The following MED16 variants were observed in gnomAD, a reference collection of about 807,000 sequenced individuals.
MED16 encodes the protein mediator complex subunit 16, also known as mediator of RNA polymerase II transcription subunit 16.
A neutral mutation model predicts 84.4 loss-of-function variants in MED16; 81 were observed. The observed-to-expected ratio is 0.96, with a 90% CI of 0.80 to 1.15. MED16 has a LOEUF of 1.15. MED16 is among the 50% of genes most tolerant of loss of function. The probability of loss-of-function intolerance (pLI) is 0.00; values close to 1 mark genes in which losing one functional copy is unlikely to be tolerated. For synonymous variants in MED16, 897 were observed against 552.2 expected, an observed-to-expected ratio of 1.62 and a Z score of -8.76; for missense variants, 1,585 against 1,245.9, an observed-to-expected ratio of 1.27 and a Z score of -4.10.
Position 871,028 on chromosome 19 carries a change from C to T in MED16, c.2315+9G>A, listed in dbSNP as rs1399760092. 6.5e-7 allele frequency: 1 copy of T among 1,537,568 alleles called. No homozygotes were observed. Among genetic ancestry groups the T allele is most frequent in the Non-Finnish European group, 8.8e-7 (1 of 1,138,570 alleles). ...CTGTGTTTGGGGACCAATGCAGGGA[C>T]ACACGCACCTGGCGAGGCCGTCGAG... is the stretch of plus-strand genomic sequence containing the variant. On this transcript the variant is annotated intron_variant, in intron 13 of 15. Coordinates refer to ENST00000325464, the MANE Select transcript of MED16 (RefSeq NM_005481.3).
At position 874,991 on chromosome 19, in the gene MED16, C is replaced by T. The variant is rs1006431092; in HGVS notation, c.1771+253G>A. On this transcript the variant is annotated intron_variant, in intron 10 of 15. Transcript: ENST00000325464. ...CAGCCTGGCCAACATGGTGAAACCCCGTCTCTACTAAAAATACAAAAAATC... is the reference window on the plus strand; with the variant it reads ...CAGCCTGGCCAACATGGTGAAACCCTGTCTCTACTAAAAATACAAAAAATC... Among the ~76,000 whole-genome samples the T allele has an allele frequency of 9.4e-5, 14 of 149,178 alleles. No individual in the cohort carries two copies. The South Asian group carries it at 1.5e-3, about 16-fold the overall frequency.
chr19:880,175 A>G (rs1599333477), intron 7 of MED16, 27 bp from the exon 8 acceptor site: 2 of 1,593,092 alleles, frequency 1.3e-6, no homozygotes, highest in South Asian at 2.2e-5. Flanking sequence ...CTGCTTAGAC[A>G]TGGGCAGGGC....
At chr19:877,293 C>T in intron 8 of MED16, 113 bp from the exon 9 acceptor site, 1 of 983,502 alleles carries the variant, frequency 1.0e-6, no homozygotes, top group South Asian at 1.5e-5. Flanking sequence ...TGCGCGCACG[C>T]CCGTGTGTGG....
chr19:890,816 G>T (rs1391552476), intron 2 of MED16, 147 bp downstream of exon 2: 1 of 847,280 alleles, frequency 1.2e-6, no homozygotes, highest in Non-Finnish European at 1.7e-6. Context: ...GGAGGCTGAG[G>T]CTCTCACACA....
At position 873,596 on chromosome 19, in the gene MED16, T is replaced by G. The variant is rs558267730; in HGVS notation, c.1772-14A>C. On this transcript the variant is annotated splice_polypyrimidine_tract_variant and intron_variant, in intron 10 of 15. Transcript: ENST00000325464. The stretch of plus-strand genomic sequence containing the variant: ...CCTTGTCAATGTCTACAAGGAGACG[T>G]GGGTCGGGTCAGCTCGGGCCTCTTG... 149 of 1,611,844 alleles carry G rather than the reference T, an allele frequency of 9.2e-5. 2 individuals carry two copies. In the South Asian group the frequency reaches 1.1e-3, roughly 12 times the overall value.
Position 868,617 on chromosome 19 carries a change from C to A in MED16, c.2400-118G>T, listed in dbSNP as rs963154378. On this transcript the variant is annotated intron_variant, in intron 14 of 15. Coordinates refer to ENST00000325464, the MANE Select transcript of MED16 (RefSeq NM_005481.3). ...CTCGCCGTCCCTCACGCCTGCTCCC[C>A]ACGTCCCCACCTGCCACAGGGCCTC... 5.1e-6 allele frequency: 7 copies of A among 1,366,416 alleles called. No homozygotes were observed. The African/African-American group carries it at 7.3e-5, about 14-fold the overall frequency. The allele number at this position is 1,366,416 out of a possible 1,614,324, so 84.6% of individuals were successfully genotyped here.
intron 13 of MED16, among the ~76,000 whole-genome samples, chr19:870,646 A>G (rs1433832846): frequency 6.6e-6 from 1 of 151,226 alleles, no homozygotes; most frequent in African/African-American, 2.4e-5. Flanking sequence ...ACAGCAGAAG[A>G]CACCACTAGG....
rs140413604 is a variant in MED16, at chr19:872,075, G to A, written c.1949C>T (p.Thr650Ile). ...RPGHSFLRDG[T>I]SLGMLRELMV... ...CAATTCCCGAAGCATGCCCAGCGAG[G>A]TGCCGTCCCGCAGAAAGCTGTGGCC... The change falls in exon 12 of 16, where the codon ACC (threonine) becomes ATC (isoleucine). Residue 650 changes from threonine (T) to isoleucine (I), a missense_variant. Coordinates refer to ENST00000325464, the MANE Select transcript of MED16 (RefSeq NM_005481.3). 5 of 1,609,474 alleles carry A rather than the reference G, an allele frequency of 3.1e-6. No individual in the cohort carries two copies. Among genetic ancestry groups the A allele is most frequent in the Admixed American group, 1.7e-5 (1 of 59,756 alleles).
intron 10 of MED16, among the ~76,000 whole-genome samples, chr19:874,426 G>T (rs1005161941): frequency 6.6e-6 from 1 of 152,252 alleles, no homozygotes; most frequent in African/African-American, 2.4e-5. Flanking sequence ...ATTTTTAAAA[G>T]AAACAGCCTG....
intron 4 of MED16, among the ~76,000 whole-genome samples, chr19:888,895 A>T (rs1156478951): frequency 5.9e-5 from 9 of 152,190 alleles, no homozygotes; most frequent in Non-Finnish European, 1.2e-4. Flanking sequence ...CAGCACAAGC[A>T]GACGCACAGA....
At chr19:872,211 G>T in intron 11 of MED16, 93 bp from the exon 12 acceptor site, 1 of 1,052,466 alleles carries the variant, frequency 9.5e-7, no homozygotes, top group Non-Finnish European at 1.4e-6. Context: ...CCGACCGGGG[G>T]GCAATGGGCA....
chr19:873,331 GGGAC>G lies in MED16; in HGVS notation c.1905+114_1905+117del. ...TAGGGGCGGGACTCCAAGTAGGGGC[GGGAC>G]TCCAACTAGGGGCGGGGCTGAGGTG... On this transcript the variant is annotated intron_variant, in intron 11 of 15. Transcript: ENST00000325464. 8 of 321,826 alleles carry G rather than the reference GGGAC, an allele frequency of 2.5e-5. No individual in the cohort carries two copies. In the African/African-American group the frequency reaches 4.3e-4, roughly 17 times the overall value. 19.9% of individuals were successfully genotyped at this position (321,826 alleles called of 1,614,324 possible).
chr19:880,374 A>C lies in MED16; in HGVS notation c.1142-226T>G, dbSNP rs1199266195. 2.6e-5 allele frequency among the ~76,000 whole-genome samples: 4 copies of C among 152,320 alleles called. No homozygotes were observed. The East Asian group carries it at 7.7e-4, about 29-fold the overall frequency. On this transcript the variant is annotated intron_variant, in intron 7 of 15. Transcript: ENST00000325464. ...CAGCAGCCTTGGCCACACTGCTCCCAGCCCCTCCCCGCCCCTCCCAGCTGG... is the reference window on the plus strand; with the variant it reads ...CAGCAGCCTTGGCCACACTGCTCCCCGCCCCTCCCCGCCCCTCCCAGCTGG...
At chr19:882,910 G>A (rs1363058101) in intron 6 of MED16, among the ~76,000 whole-genome samples, 1 of 152,162 alleles carries the variant, frequency 6.6e-6, no homozygotes, top group Non-Finnish European at 1.5e-5. Context: ...ATTCCCTGGG[G>A]GGAAACAGGC....
At chr19:876,899 C>A (rs1030102226) in intron 9 of MED16, 75 bp downstream of exon 9, 1 of 1,456,356 alleles carries the variant, frequency 6.9e-7, no homozygotes, top group Non-Finnish European at 9.2e-7. Context: ...GCCACGGGGC[C>A]CCACCTGCCA....
chr19:873,721 G>A, intron 10 of MED16, 139 bp from the exon 11 acceptor site: 2 of 1,026,926 alleles, frequency 1.9e-6, no homozygotes, highest in Admixed American at 4.6e-5. Flanking sequence ...GGAACGAGAA[G>A]GGGGCGATGG....
rs1028275878 is a variant in MED16, at chr19:871,503, G to A, written c.2099-250C>T. ...ACTCCCTCATTCACTTAAAAAGTAT[G>A]TGGGAAGCACTGTGCCTTTTCCAGA... On this transcript the variant is annotated intron_variant, in intron 12 of 15. Coordinates refer to ENST00000325464, the MANE Select transcript of MED16 (RefSeq NM_005481.3). The A allele has an allele frequency of 1.9e-5, 29 of 1,516,864 alleles. No homozygotes were observed. The Admixed American group carries it at 2.8e-4, about 14-fold the overall frequency. The allele number at this position is 1,516,864 out of a possible 1,614,324, so 94.0% of individuals were successfully genotyped here.
At chr19:888,432 G>T (rs2036565909) in intron 4 of MED16, among the ~76,000 whole-genome samples, 1 of 149,602 alleles carries the variant, frequency 6.7e-6, no homozygotes, top group Non-Finnish European at 1.5e-5. Context: ...GCTGAGGCAG[G>T]AGAATCGCTT....
At chr19:889,982 T>G (rs11878467) in intron 3 of MED16, among the ~76,000 whole-genome samples, 155 bp downstream of exon 3, 1 of 152,112 alleles carries the variant, frequency 6.6e-6, no homozygotes, top group Admixed American at 6.5e-5. Context: ...TGAACAAGAA[T>G]GATTCGGGCC....
Sources: allele counts gnomAD v4.1 joint callset (sites outside exome capture counted in the v4.1 genomes callset), GRCh38; gene constraint gnomAD v4.1.1; transcripts MANE v1.5; gene names NCBI Gene and HGNC (gene_info 2026-07-23, HGNC 2026-07-21).